The following GRAMD1B variants were observed in gnomAD, a reference collection of about 807,000 sequenced individuals.
GRAMD1B encodes GRAM domain containing 1B.
GRAMD1B carries 37 observed loss-of-function variants against 99.7 expected under a neutral mutation model. The ratio of observed to expected loss-of-function variants is 0.37; its 90% CI spans 0.29 to 0.49. GRAMD1B has a LOEUF of 0.49. Ranked by LOEUF, GRAMD1B falls within the 20% of genes least tolerant of loss-of-function variation. The pLI, the probability that GRAMD1B is intolerant of heterozygous loss-of-function variation, is 0.98. For synonymous variants in GRAMD1B, 427 were observed against 387.6 expected (o/e 1.10, Z -1.19); for missense variants, 888 against 1,009.2 (o/e 0.88, Z 1.63).
rs1591819096 is a variant in GRAMD1B at position 123,526,042 on chromosome 11, ATT to A, written c.452+45150_452+45151del. On this transcript the variant is annotated intron_variant, in intron 2 of 19. Coordinates refer to ENST00000635736, the MANE Select transcript of GRAMD1B (RefSeq NM_001387025.1). ...CTGTGTTCAAGTCACATTACATGGG[ATT>A]CTGTTCTTTTGGGACTTCGTCATCT... 5.4e-6 allele frequency: 5 copies of A among 923,350 alleles called. No homozygotes were observed. The African/African-American group carries it at 8.1e-5, about 15-fold the overall frequency. 57.2% of individuals were successfully genotyped at this position (923,350 alleles called of 1,614,324 possible).
chr11:123,453,734 A>T (rs1259536997), intron 1 of GRAMD1B, among the ~76,000 whole-genome samples: 1 of 152,168 alleles, frequency 6.6e-6, no homozygotes, highest in Non-Finnish European at 1.5e-5. Flanking sequence ...GTTGCATATG[A>T]TACTTGTTTT....
At chr11:123,431,198 T>TCCCTC in intron 1 of GRAMD1B, 32 bp downstream of exon 1, 2 of 678,522 alleles carry the variant, frequency 2.9e-6, no homozygotes. Context: ...CTCCTTCCCT[T>TCCCTC]CCCTCCCGTC....
At position 123,603,464 on chromosome 11, in the gene GRAMD1B, G is replaced by A. The variant is rs572836106; in HGVS notation, c.1089G>A (p.Gln363=). 7.4e-6 allele frequency: 12 copies of A among 1,613,634 alleles called. No homozygotes were observed. The African/African-American group carries it at 9.3e-5, about 13-fold the overall frequency. Reference sequence around the variant, plus strand: ...AGGAGCTCTGGCACTTTGTTCACCAGTGCTATGGGAACGAATTGGGCCTGA... The same window carrying A: ...AGGAGCTCTGGCACTTTGTTCACCAATGCTATGGGAACGAATTGGGCCTGA... The part of the protein sequence containing the change: ...CPKELWHFVH[Q]CYGNELGLTS... The change falls in exon 9 of 20, where the codon CAG becomes CAA. Residue 363 remains glutamine, a synonymous_variant. Coordinates refer to ENST00000635736, the MANE Select transcript of GRAMD1B (RefSeq NM_001387025.1).
chr11:123,362,753 G>A (rs1946186677), intron 1 of GRAMD1B, among the ~76,000 whole-genome samples: 1 of 152,148 alleles, frequency 6.6e-6, no homozygotes, highest in African/African-American at 2.4e-5. Context: ...TCTGGGACTT[G>A]GGGAAGGGGT....
chr11:123,359,006 T>C (rs1946048376), intron 1 of GRAMD1B, among the ~76,000 whole-genome samples: 1 of 152,122 alleles, frequency 6.6e-6, no homozygotes, highest in Non-Finnish European at 1.5e-5. Context: ...GGCTGAGGTG[T>C]CCCTCACCTG....
At position 123,519,406 on chromosome 11, in the gene GRAMD1B, C is replaced by T. The variant is rs565612536; in HGVS notation, c.452+38513C>T. Among the ~76,000 whole-genome samples, 26 of 152,266 alleles carry T rather than the reference C, an allele frequency of 1.7e-4. No individual in the cohort carries two copies. The South Asian group carries it at 4.6e-3, about 27-fold the overall frequency. On this transcript the variant is annotated intron_variant, in intron 2 of 19. Transcript: ENST00000635736. ...CTCTCTATTGAGTGCAGTTTGGAAG[C>T]GGATTTTGGCTGGAGGACTAGAAAG...
At position 123,613,085 on chromosome 11, in the gene GRAMD1B, A is replaced by G. The variant is rs573300857; in HGVS notation, c.2023+221A>G. On this transcript the variant is annotated intron_variant, in intron 15 of 19. Coordinates refer to ENST00000635736, the MANE Select transcript of GRAMD1B (RefSeq NM_001387025.1). Reference sequence around the variant, plus strand: ...CTGTGTCTAGGATGTTTAAGAGATCATTGAGGGATCTATAAAACACCCCTC... The same window carrying G: ...CTGTGTCTAGGATGTTTAAGAGATCGTTGAGGGATCTATAAAACACCCCTC... 40 of 572,658 alleles carry G rather than the reference A, an allele frequency of 7.0e-5. No homozygotes were observed. In the Middle Eastern group the frequency reaches 2.3e-3, roughly 33 times the overall value. The allele number at this position is 572,658 out of a possible 1,614,324, so 35.5% of individuals were successfully genotyped here.
At chr11:123,550,213 T>C (rs1012352187) in intron 2 of GRAMD1B, among the ~76,000 whole-genome samples, 4 of 152,170 alleles carry the variant, frequency 2.6e-5, no homozygotes, top group African/African-American at 9.7e-5. Flanking sequence ...ATTCCGTGCT[T>C]TACTTTCCTC....
At chr11:123,442,284 A>G (rs1949444975) in intron 1 of GRAMD1B, among the ~76,000 whole-genome samples, 1 of 152,096 alleles carries the variant, frequency 6.6e-6, no homozygotes, top group Non-Finnish European at 1.5e-5. Flanking sequence ...TGCATGTTGC[A>G]TCTGAGATCT....
chr11:123,360,903 G>A (rs1037635126), intron 1 of GRAMD1B, among the ~76,000 whole-genome samples: 6 of 150,444 alleles, frequency 4.0e-5, no homozygotes, highest in Non-Finnish European at 7.4e-5. Context: ...TGCAACCTCC[G>A]CCTTCCGGTT....
chr11:123,556,868 G>C (rs1438728835), intron 2 of GRAMD1B, among the ~76,000 whole-genome samples: 1 of 152,198 alleles, frequency 6.6e-6, no homozygotes, highest in Non-Finnish European at 1.5e-5. Flanking sequence ...CTTTCAAGAA[G>C]GACAAGGGCA....
At chr11:123,459,500 C>T (rs1950313557) in intron 1 of GRAMD1B, 1 of 152,096 alleles carries the variant, frequency 6.6e-6, no homozygotes, top group African/African-American at 2.4e-5. Flanking sequence ...GATGATCCAC[C>T]CACCTCGGCC....
chr11:123,590,811 T>C (rs1370973566), intron 4 of GRAMD1B, among the ~76,000 whole-genome samples: 1 of 152,198 alleles, frequency 6.6e-6, no homozygotes. Flanking sequence ...CGTGCCACTC[T>C]GTGGGACAGA....
intron 1 of GRAMD1B, among the ~76,000 whole-genome samples, chr11:123,381,891 G>A (rs969718727): frequency 3.9e-5 from 6 of 152,190 alleles, no homozygotes; most frequent in African/African-American, 1.4e-4. Flanking sequence ...AGCCAGCTAG[G>A]ACCGGAGGCT....
At chr11:123,530,228 T>G (rs1943213833) in intron 2 of GRAMD1B, among the ~76,000 whole-genome samples, 1 of 151,912 alleles carries the variant, frequency 6.6e-6, no homozygotes, top group South Asian at 2.1e-4. Flanking sequence ...TCTCCATATT[T>G]CATGACCATT....
At chr11:123,559,318 G>A (rs1329186809) in intron 2 of GRAMD1B, among the ~76,000 whole-genome samples, 2 of 152,200 alleles carry the variant, frequency 1.3e-5, no homozygotes, top group African/African-American at 4.8e-5. Context: ...AATAGTTGGG[G>A]TGTGAGGCAA....
chr11:123,614,305 G>A (rs1248439146), intron 16 of GRAMD1B, among the ~76,000 whole-genome samples: 3 of 149,512 alleles, frequency 2.0e-5, no homozygotes, highest in South Asian at 2.2e-4. Flanking sequence ...TCCATGTTAC[G>A]TGTTTTGCAT....
At chr11:123,580,536 T>C (rs1949237938) in intron 3 of GRAMD1B, among the ~76,000 whole-genome samples, 1 of 152,174 alleles carries the variant, frequency 6.6e-6, no homozygotes, top group African/African-American at 2.4e-5. Flanking sequence ...ATGCACGGTG[T>C]CTTTCTTCCC....
Position 123,526,119 on chromosome 11 carries a change from C to T in GRAMD1B, c.452+45226C>T, listed in dbSNP as rs1379039841. 4.4e-6 allele frequency: 7 copies of T among 1,608,882 alleles called. No individual in the cohort carries two copies. The Admixed American group carries it at 1.2e-4, about 27-fold the overall frequency. On this transcript the variant is annotated intron_variant, in intron 2 of 19. Transcript: ENST00000635736. ...GGAGCTGTAACGGGGATGCTAAGGA[C>T]ACGGTCAGTGGATTATCGTGACTGT...
Sources: allele counts gnomAD v4.1 joint callset (sites outside exome capture counted in the v4.1 genomes callset), GRCh38; gene constraint gnomAD v4.1.1; transcripts MANE v1.5; gene names NCBI Gene and HGNC (gene_info 2026-07-23, HGNC 2026-07-21).